RPS6KC1: variants seen among roughly 807,000 people sequenced by gnomAD.
RPS6KC1 encodes the protein ribosomal protein S6 kinase C1.
RPS6KC1 carries 54 observed loss-of-function variants against 103.8 expected under a neutral mutation model. The ratio of observed to expected loss-of-function variants is 0.52; its 90% confidence interval spans 0.42 to 0.65. RPS6KC1 has a LOEUF of 0.65. Ranked by LOEUF, RPS6KC1 falls within the 30% of genes least tolerant of loss-of-function variation. RPS6KC1 has a pLI of 0.00. For synonymous variants in RPS6KC1, 439 were observed against 438.7 expected (o/e 1.00, Z -0.01); for missense variants, 1,151 against 1,253.8 (o/e 0.92, Z 1.24).
At chr1:213,100,758 C>T (rs148163797) in intron 3 of RPS6KC1, among the ~76,000 whole-genome samples, 6 of 152,266 alleles carry the variant, frequency 3.9e-5, no homozygotes, top group African/African-American at 1.4e-4. Flanking sequence ...CTGCAAAGGA[C>T]ATTATTTCAT....
the RPS6KC1 span, among the ~76,000 whole-genome samples, chr1:213,430,918 T>C: frequency 5.9e-5 from 9 of 152,266 alleles, no homozygotes; most frequent in Non-Finnish European, 1.5e-5. Flanking sequence ...CAGCAATGCC[T>C]TTACAAGTAT....
chr1:213,125,905 A>G (rs1174364038), intron 5 of RPS6KC1: 1 of 152,128 alleles, frequency 6.6e-6, no homozygotes, highest in Non-Finnish European at 1.5e-5. Flanking sequence ...AACAGAGTAT[A>G]CATAACTTTG....
At chr1:213,417,488 G>C in the RPS6KC1 span, among the ~76,000 whole-genome samples, 47 of 152,278 alleles carry the variant, frequency 3.1e-4, no homozygotes, top group Non-Finnish European at 6.0e-4. Context: ...ACTCAGCCAG[G>C]GAGGCTGGAA....
At chr1:213,855,183 G>T in the RPS6KC1 span, among the ~76,000 whole-genome samples, 49 of 152,298 alleles carry the variant, frequency 3.2e-4, 1 homozygote, top group South Asian at 2.7e-3. Flanking sequence ...TATGAATTTT[G>T]GGAGGGATGC....
At chr1:213,698,361 A>G in the RPS6KC1 span, among the ~76,000 whole-genome samples, 4 of 152,136 alleles carry the variant, frequency 2.6e-5, no homozygotes, top group African/African-American at 9.7e-5. Context: ...CATCCTCAAA[A>G]CTACTTTTTC....
chr1:213,823,114 A>G, the RPS6KC1 span, among the ~76,000 whole-genome samples: 3 of 151,788 alleles, frequency 2.0e-5, no homozygotes, highest in Non-Finnish European at 2.9e-5. Context: ...GCTACTTCCT[A>G]CTTCCTCTGC....
chr1:213,251,221 C>CT (rs2094540645), intron 12 of RPS6KC1, among the ~76,000 whole-genome samples: 1 of 148,850 alleles, frequency 6.7e-6, no homozygotes, highest in Non-Finnish European at 1.5e-5. Flanking sequence ...GTTCTCCTGT[C>CT]TCAGTCTCCC....
the RPS6KC1 span, among the ~76,000 whole-genome samples, chr1:213,800,526 G>A: frequency 6.7e-6 from 1 of 149,254 alleles, no homozygotes; most frequent in South Asian, 2.1e-4. Context: ...TGGGAATGGG[G>A]ATCAGTTAGG....
intron 3 of RPS6KC1, among the ~76,000 whole-genome samples, chr1:213,083,996 G>A (rs1201500577): frequency 6.6e-6 from 1 of 152,156 alleles, no homozygotes; most frequent in East Asian, 1.9e-4. Flanking sequence ...GATGAGGGAT[G>A]TTTCAAACTT....
chr1:213,800,995 A>G, the RPS6KC1 span, among the ~76,000 whole-genome samples: 6 of 152,194 alleles, frequency 3.9e-5, no homozygotes, highest in African/African-American at 1.2e-4. Context: ...CTTTCACTGC[A>G]TGCTGCTCTT....
intron 1 of RPS6KC1, among the ~76,000 whole-genome samples, chr1:213,062,349 A>G (rs1055096976): frequency 4.6e-5 from 7 of 152,218 alleles, no homozygotes; most frequent in East Asian, 1.9e-4. Context: ...CATGTCCCCA[A>G]TATATTTCAT....
chr1:213,834,407 C>T, the RPS6KC1 span, among the ~76,000 whole-genome samples: 2 of 152,132 alleles, frequency 1.3e-5, no homozygotes, highest in African/African-American at 2.4e-5. Context: ...CAAAACTGGT[C>T]CACATAGGAG....
the RPS6KC1 span, among the ~76,000 whole-genome samples, chr1:213,580,848 G>A: frequency 1.3e-5 from 2 of 151,920 alleles, no homozygotes; most frequent in Non-Finnish European, 2.9e-5. Flanking sequence ...ACACTTAATG[G>A]ACTATAGTAT....
At chr1:213,169,028 A>G (rs1338505113) in intron 7 of RPS6KC1, among the ~76,000 whole-genome samples, 4 of 152,110 alleles carry the variant, frequency 2.6e-5, no homozygotes, top group Middle Eastern at 6.8e-3. Flanking sequence ...GAATATAGTA[A>G]TTTTTTGCTG....
chr1:213,656,561 A>T, the RPS6KC1 span, among the ~76,000 whole-genome samples: 1 of 152,148 alleles, frequency 6.6e-6, no homozygotes. Context: ...TCAAACAGAG[A>T]CTGACAGAGC....
chr1:213,349,353 G>A, the RPS6KC1 span, among the ~76,000 whole-genome samples: 1 of 152,148 alleles, frequency 6.6e-6, no homozygotes, highest in Non-Finnish European at 1.5e-5. Context: ...GGGCTGACGT[G>A]GGGGACGGTA....
chr1:213,447,059 C>T, the RPS6KC1 span, among the ~76,000 whole-genome samples: 5 of 151,956 alleles, frequency 3.3e-5, no homozygotes, highest in Admixed American at 2.6e-4. Context: ...GCCCAATACA[C>T]ATATGATGCC....
chr1:213,692,516 T>G, the RPS6KC1 span, among the ~76,000 whole-genome samples: 57 of 152,324 alleles, frequency 3.7e-4, 1 homozygote, highest in East Asian at 0.011. Flanking sequence ...GTGTTATATG[T>G]TGGAATGCTT....
intron 4 of RPS6KC1, among the ~76,000 whole-genome samples, chr1:213,108,925 C>A (rs2082746925): frequency 6.6e-6 from 1 of 151,946 alleles, no homozygotes. Flanking sequence ...GCTGGGAATA[C>A]AGGTGTGAGT....
Sources: gnomAD v4.1 joint callset for allele counts (sites outside exome capture counted in the v4.1 genomes callset) on GRCh38, gnomAD v4.1.1 for gene constraint, MANE v1.5 for transcripts, NCBI Gene and HGNC (gene_info 2026-07-23, HGNC 2026-07-21) for gene names.